The following ATG16L2 variants were observed in gnomAD, a reference collection of about 807,000 sequenced individuals.
ATG16L2 encodes the protein autophagy related 16 like 2.
Under a neutral mutation model 84.7 loss-of-function variants are expected in ATG16L2, and 77 were observed. The ratio of observed to expected loss-of-function variants is 0.91; its 90% CI spans 0.76 to 1.10. The LOEUF is 1.10. ATG16L2 is among the 50% of genes least tolerant of loss of function. The pLI is 0.00. For missense variants in ATG16L2, 782 were observed against 817.6 expected, an observed-to-expected ratio of 0.96 and a Z score of 0.53; for synonymous variants, 361 against 342.8, an observed-to-expected ratio of 1.05 and a Z score of -0.59.
rs1329269058 is a variant in ATG16L2, at chr11:72,825,380, C to T, written c.1075C>T (p.Leu359=). ...SLLATGGADR[L]IHLWNVVGSR... ...CCTGGCCACTGGAGGGGCTGACCGC[C>T]TGATCCACCTCTGGAATGTTGTGGG... Residue 359 remains leucine, a synonymous_variant, in exon 10 of 18, where the codon CTG becomes TTG. Transcript: ENST00000321297. 5 of 1,612,848 alleles carry T rather than the reference C, an allele frequency of 3.1e-6. No homozygotes were observed.
intron 13 of ATG16L2, 145 bp from the exon 14 acceptor site, chr11:72,827,043 G>GT: frequency 1.2e-6 from 1 of 830,296 alleles, no homozygotes; most frequent in African/African-American, 1.7e-5. Flanking sequence ...AAAGACGTGG[G>GT]TGAGCCCTGT....
intron 5 of ATG16L2, chr11:72,838,833 C>G: frequency 6.2e-7 from 1 of 1,608,398 alleles, no homozygotes. Flanking sequence ...TCTCTGCTGG[C>G]CTTCGGTGAT....
rs1392686198 is a variant in ATG16L2, at chr11:72,826,453, A to C, written c.1174-65A>C. 22 of 1,599,794 alleles carry C rather than the reference A, an allele frequency of 1.4e-5. No homozygotes were observed. In the Admixed American group the frequency reaches 3.6e-4, roughly 26 times the overall value. The stretch of plus-strand genomic sequence containing the variant: ...AAACTGTGAGGCAGCCCCTAGCCTC[A>C]TTCTGTGGCCCGAAGAATGTTGCCT... On this transcript the variant is annotated intron_variant, in intron 11 of 17. Transcript: ENST00000321297.
At chr11:72,833,537 G>A (rs924527921), downstream of ATG16L2, among the ~76,000 whole-genome samples, 5 of 152,222 alleles carry the variant, frequency 3.3e-5, no homozygotes, top group African/African-American at 1.2e-4. Flanking sequence ...CCTCACAGGA[G>A]CAAGTGGTGA....
At chr11:72,820,385 C>G (rs1859923565) in intron 3 of ATG16L2, 2 of 152,228 alleles carry the variant, frequency 1.3e-5, no homozygotes, top group South Asian at 4.1e-4. Flanking sequence ...CCTCTCCCCC[C>G]AACCATCCCT....
rs764311420 is a variant in ATG16L2 at position 72,825,345 on chromosome 11, A to G, written c.1040A>G (p.Asn347Ser). The change falls in exon 10 of 18, where the codon AAC (asparagine) becomes AGC (serine). Residue 347 changes from asparagine (N) to serine (S), a missense_variant. Asn to Ser is a conservative substitution (Grantham distance 46). Coordinates refer to ENST00000321297, the MANE Select transcript of ATG16L2 (RefSeq NM_033388.2). ...SEVNAVRFGP[N>S]SSLLATGGAD... is the part of the protein sequence containing the mutation. ...GTCAATGCTGTTCGTTTTGGCCCCA[A>G]CAGCAGCCTCCTGGCCACTGGAGGG... 2.2e-5 allele frequency: 36 copies of G among 1,613,410 alleles called. No homozygotes were observed. The East Asian group carries it at 7.6e-4, about 34-fold the overall frequency.
In ATG16L2 at chr11:72,826,825, T is replaced by G. The variant is rs1204746131; in HGVS notation, c.1366+2T>G. 6.2e-7 allele frequency: 1 copy of G among 1,612,836 alleles called. No homozygotes were observed. The highest frequency in any genetic ancestry group is 8.5e-7 in the Non-Finnish European group (1 of 1,179,722). On this transcript the variant is annotated splice_donor_variant, in intron 13 of 17. Coordinates refer to ENST00000321297, the MANE Select transcript of ATG16L2 (RefSeq NM_033388.2). LOFTEE classifies it high-confidence loss of function. The stretch of plus-strand genomic sequence containing the variant: ...AGTGGGACCTCGGCCGTGCCTATTG[T>G]GAGCCCGAGCCCCAGCCCCACCTCT...
At chr11:72,817,093 A>C (rs991908218) in intron 2 of ATG16L2, among the ~76,000 whole-genome samples, 3 of 152,112 alleles carry the variant, frequency 2.0e-5, no homozygotes, top group African/African-American at 7.2e-5. Context: ...TCCCACCCCT[A>C]TACTTATGTC....
intron 9 of ATG16L2, 69 bp downstream of exon 9, chr11:72,824,911 C>A: frequency 7.4e-7 from 1 of 1,350,136 alleles, no homozygotes. Context: ...GTGGTCTCGG[C>A]ACCAGGGGTG....
At chr11:72,840,868 G>A (rs759630130) in intron 5 of ATG16L2, 2 of 1,583,456 alleles carry the variant, frequency 1.3e-6, no homozygotes, top group Non-Finnish European at 1.7e-6. Flanking sequence ...TGCAAGATCA[G>A]AGACTTACAG....
chr11:72,827,587 T>C (rs1434368201), intron 14 of ATG16L2, among the ~76,000 whole-genome samples: 1 of 152,184 alleles, frequency 6.6e-6, no homozygotes, highest in Non-Finnish European at 1.5e-5. Context: ...AGGAAAAAAA[T>C]TCTTTTAGCT....
chr11:72,835,182 C>G (rs145084668), intron 5 of ATG16L2, among the ~76,000 whole-genome samples: 2 of 152,254 alleles, frequency 1.3e-5, no homozygotes, highest in Non-Finnish European at 2.9e-5. Flanking sequence ...CCTCCAGTAC[C>G]GAAAGCAGCT....
chr11:72,842,753 G>T, exon 6 of ATG16L2: 1 of 1,613,858 alleles, frequency 6.2e-7, no homozygotes, highest in Non-Finnish European at 8.5e-7. Context: ...GGTTTTCTTT[G>T]TTCAAGATAC....
intron 7 of ATG16L2, 94 bp from the exon 8 acceptor site, chr11:72,823,961 ACAAGC>A: frequency 7.5e-7 from 1 of 1,342,040 alleles, no homozygotes; most frequent in Non-Finnish European, 1.1e-6. Context: ...TTGAGAGGTT[ACAAGC>A]CTCCAGGTCT....
In ATG16L2 at chr11:72,822,638, C is replaced by T. The variant is rs934635019; in HGVS notation, c.710+95C>T. On this transcript the variant is annotated intron_variant, in intron 6 of 17. Transcript: ENST00000321297. This position sits in a 1 kb window ranked among gnomAD's most constrained non-coding sequence, Gnocchi z 4.2. ...GGCTGCCGACTGTACTTGTGCACAG[C>T]CCCGTCCTGAGGCCCCCATGTGGTC... 3.3e-6 allele frequency: 5 copies of T among 1,497,508 alleles called. No individual in the cohort carries two copies. In the African/African-American group the frequency reaches 4.2e-5, roughly 13 times the overall value. 92.8% of individuals were successfully genotyped at this position (1,497,508 alleles called of 1,614,324 possible). A position where few individuals can be genotyped will look rare whatever the true frequency, so the allele number is the denominator to read the frequency against.
chr11:72,822,096 C>G lies in ATG16L2; in HGVS notation c.445C>G (p.Gln149Glu). The change falls in exon 5 of 18, where the codon CAG becomes GAG. Residue 149 changes from glutamine (Q) to glutamate (E), a missense_variant. Transcript: ENST00000321297. This position sits in a 1 kb window ranked among gnomAD's most constrained non-coding sequence, Gnocchi z 4.2. ...VAQLREARAQQAQQVEEWRAQ... is the reference protein window; with the variant it reads ...VAQLREARAQEAQQVEEWRAQ... ...GCAGCTGCGAGAGGCGCGGGCGCAGCAGGCCCAGCAGGTGGAGGAGTGGCG... is the reference window on the plus strand; with the variant it reads ...GCAGCTGCGAGAGGCGCGGGCGCAGGAGGCCCAGCAGGTGGAGGAGTGGCG... 2 of 1,537,872 alleles carry G rather than the reference C, an allele frequency of 1.3e-6. No individual in the cohort carries two copies. The highest frequency in any genetic ancestry group is 1.7e-6 in the Non-Finnish European group (2 of 1,153,142).
downstream of ATG16L2, among the ~76,000 whole-genome samples, chr11:72,834,407 CG>C (rs1201909585): frequency 2.0e-5 from 3 of 152,088 alleles, no homozygotes; most frequent in African/African-American, 7.2e-5. Context: ...CAGGTCCCAG[CG>C]GGAGAGTCCA....
intron 10 of ATG16L2, 77 bp from the exon 11 acceptor site, chr11:72,826,096 T>TCCGC: frequency 2.4e-6 from 3 of 1,249,180 alleles, no homozygotes; most frequent in Non-Finnish European, 3.4e-6. Context: ...GAACTGATCT[T>TCCGC]CCGCTCTCAA....
chr11:72,825,179 G>A, intron 9 of ATG16L2, 123 bp from the exon 10 acceptor site: 1 of 735,104 alleles, frequency 1.4e-6, no homozygotes, highest in Non-Finnish European at 2.3e-6. Flanking sequence ...CAGAGAAACT[G>A]GGGAGGGAGA....
Sources: allele counts gnomAD v4.1 joint callset (sites outside exome capture counted in the v4.1 genomes callset), GRCh38; gene constraint gnomAD v4.1.1; non-coding constraint Gnocchi (gnomAD v3.1); transcripts MANE v1.5; gene names NCBI Gene and HGNC (gene_info 2026-07-23, HGNC 2026-07-21).